RNF220: variants seen among roughly 807,000 people sequenced by gnomAD.
RNF220 encodes the protein E3 ubiquitin-protein ligase RNF220.
Under a neutral mutation model 67.1 loss-of-function variants are expected in RNF220, and 7 were observed. That is an observed-to-expected ratio of 0.10 (90% CI 0.06 to 0.20). RNF220 has a LOEUF of 0.20. Among genes scored for constraint, RNF220 ranks in the 10% least tolerant of loss-of-function variants. The pLI, the probability that RNF220 is intolerant of heterozygous loss-of-function variation, is 1.00. For missense variants in RNF220, 565 were observed against 740.3 expected (o/e 0.76, Z 2.75); for synonymous variants, 270 against 283.2 (o/e 0.95, Z 0.47).
At position 44,569,932 on chromosome 1, in the gene RNF220, C is replaced by A. The variant is rs532845171; in HGVS notation, c.626-44233C>A. 2.6e-5 allele frequency among the ~76,000 whole-genome samples: 4 copies of A among 152,136 alleles called. 1 individual carries two copies. Among genetic ancestry groups the A allele is most frequent in the Non-Finnish European group, 5.9e-5 (4 of 68,024 alleles). ...GCCTATGATGGTGTTTGGTATTACA[C>A]TTGGCAGTGGTTCTAGGTGCTGTGA... is the stretch of plus-strand genomic sequence containing the variant. On this transcript the variant is annotated intron_variant, in intron 2 of 14. Transcript: ENST00000361799.
At chr1:44,432,895 C>CTTTTTTTTTTTTTTTTTTTTTTTTTTTTT (rs759672475) in intron 2 of RNF220, among the ~76,000 whole-genome samples, 1 of 104,412 alleles carries the variant, frequency 9.6e-6, no homozygotes, top group Non-Finnish European at 2.0e-5. Flanking sequence ...TTCAAATTGG[C>CTTTTTTTTTTTTTTTTTTTTTTTTTTTTT]TTTTCTTTTT....
chr1:44,556,304 G>C (rs1663076075), intron 2 of RNF220, among the ~76,000 whole-genome samples: 1 of 150,742 alleles, frequency 6.6e-6, no homozygotes, highest in South Asian at 2.1e-4. Flanking sequence ...AAAGTGCTGA[G>C]ATTACAGGTG....
chr1:44,585,873 T>A, intron 2 of RNF220, among the ~76,000 whole-genome samples: 1 of 152,304 alleles, frequency 6.6e-6, no homozygotes, highest in South Asian at 2.1e-4. Flanking sequence ...GTGCTCTGGC[T>A]ATGTTTGGTT....
chr1:44,464,324 C>T (rs1280755662), intron 2 of RNF220, among the ~76,000 whole-genome samples: 1 of 152,206 alleles, frequency 6.6e-6, no homozygotes, highest in Non-Finnish European at 1.5e-5. Context: ...TGTCCTTGAA[C>T]CAGCAGCTGC....
intron 2 of RNF220, among the ~76,000 whole-genome samples, chr1:44,496,103 G>A (rs1016662706): frequency 6.6e-6 from 1 of 152,218 alleles, no homozygotes; most frequent in Non-Finnish European, 1.5e-5. Flanking sequence ...AAGGAGCCGT[G>A]TAGCTGCAAA....
chr1:44,412,234 G>A lies in RNF220; in HGVS notation c.137G>A (p.Arg46Gln), dbSNP rs772618757. ...GCTTCCATCCCTTGTCAGCAGCCAC[G>A]ACCCTTTGGTGTACCTGTCTCAGTT... ...RDASIPCQQP[R>Q]PFGVPVSVDK... Residue 46 changes from arginine (R) to glutamine (Q), a missense_variant, in exon 2 of 15, where the codon CGA becomes CAA. Coordinates refer to ENST00000361799, the MANE Select transcript of RNF220 (RefSeq NM_018150.4). This position sits in a 1 kb window ranked among gnomAD's most constrained non-coding sequence, Gnocchi z 5.3. 1.9e-6 allele frequency: 3 copies of A among 1,614,156 alleles called. No individual in the cohort carries two copies. The highest frequency in any genetic ancestry group is 1.7e-5 in the Admixed American group (1 of 60,024).
At chr1:44,426,490 G>C (rs1378212813) in intron 2 of RNF220, among the ~76,000 whole-genome samples, 1 of 152,186 alleles carries the variant, frequency 6.6e-6, no homozygotes, top group Non-Finnish European at 1.5e-5. Context: ...ACTTTGGGAG[G>C]CTGACGCAGG....
chr1:44,626,328 A>C lies in RNF220; in HGVS notation c.836A>C (p.Glu279Ala). 1 of 1,614,022 alleles carries C rather than the reference A, an allele frequency of 6.2e-7. No individual in the cohort carries two copies. Among genetic ancestry groups the C allele is most frequent in the South Asian group, 1.1e-5 (1 of 91,072 alleles). ...CTGTTGTCTGCTTCCATCAAGAGGG[A>C]AGGAGAGTCTCCAACGGCATCACCC... Reference protein sequence around the residue: ...SLLLSASIKREGESPTASPHS... With the variant: ...SLLLSASIKRAGESPTASPHS... The change falls in exon 5 of 15, where the codon GAA (glutamate) becomes GCA (alanine). Residue 279 changes from glutamate to alanine, a missense_variant. Coordinates refer to ENST00000361799, the MANE Select transcript of RNF220 (RefSeq NM_018150.4).
chr1:44,575,623 G>A (rs899908704), intron 2 of RNF220, among the ~76,000 whole-genome samples: 1 of 152,140 alleles, frequency 6.6e-6, no homozygotes, highest in East Asian at 1.9e-4. Context: ...CAGTTAGAAT[G>A]GCTATTATTA....
intron 5 of RNF220, chr1:44,627,064 A>AT (rs1192974108): frequency 1.7e-5 from 2 of 120,720 alleles, no homozygotes; most frequent in Non-Finnish European, 3.5e-5. Context: ...AAAAAAAAAA[A>AT]GGCTAGGCGT....
chr1:44,579,142 C>T (rs975859217), intron 2 of RNF220, among the ~76,000 whole-genome samples: 1 of 149,842 alleles, frequency 6.7e-6, no homozygotes, highest in Non-Finnish European at 1.5e-5. Context: ...GGTGACAGAT[C>T]GAGACTCTGT....
chr1:44,471,224 G>C (rs1452096581), intron 2 of RNF220, among the ~76,000 whole-genome samples: 1 of 151,978 alleles, frequency 6.6e-6, no homozygotes, highest in Non-Finnish European at 1.5e-5. Context: ...TCAGGAGTTC[G>C]AGACCAGCCT....
rs1648734883 is a variant in RNF220, at chr1:44,417,880, ATGT to A, written c.625+5161_625+5163del. 6.6e-6 allele frequency among the ~76,000 whole-genome samples: 1 copy of A among 151,810 alleles called. No individual in the cohort carries two copies. Among genetic ancestry groups the A allele is most frequent in the Non-Finnish European group, 1.5e-5 (1 of 67,924 alleles). ...AGGCGGCTTGCAAGTGGTTTCAGAAATGTTGGTGATCTCGCCGTCGCTCTGCAG... is the reference window on the plus strand; with the variant it reads ...AGGCGGCTTGCAAGTGGTTTCAGAAATGGTGATCTCGCCGTCGCTCTGCAG... On this transcript the variant is annotated intron_variant, in intron 2 of 14. Transcript: ENST00000361799. The surrounding 1 kb of genome is among the most constrained non-coding windows in gnomAD (Gnocchi z 4.0).
In RNF220 at chr1:44,520,085, TTGTGTG is replaced by T. The variant is rs1167831790; in HGVS notation, c.626-94041_626-94036del. Among the ~76,000 whole-genome samples, 758 of 106,462 alleles carry T rather than the reference TTGTGTG, an allele frequency of 7.1e-3. 11 individuals are homozygous for T. Among genetic ancestry groups the T allele is most frequent in the African/African-American group, 0.023 (645 of 28,636 alleles). 69.8% of individuals were successfully genotyped at this position (106,462 alleles called of 152,430 possible). ...GGTAAGAAGATGCTGAAGTCCAGCA[TTGTGTG>T]TGTGTGTGTGTGTGTGTGTGTGTGT... On this transcript the variant is annotated intron_variant, in intron 2 of 14. Coordinates refer to ENST00000361799, the MANE Select transcript of RNF220 (RefSeq NM_018150.4).
Position 44,412,550 on chromosome 1 carries a change from C to T in RNF220, c.453C>T (p.Pro151=), listed in dbSNP as rs1223932562. Residue 151 remains proline (P), a synonymous_variant, in exon 2 of 15, where the codon CCC becomes CCT. Coordinates refer to ENST00000361799, the MANE Select transcript of RNF220 (RefSeq NM_018150.4). The surrounding 1 kb of genome is among the most constrained non-coding windows in gnomAD (Gnocchi z 5.3). The part of the protein sequence containing the change: ...RLKNCHDTES[P]HLRFSDADGK... ...AGAACTGCCATGACACAGAGTCTCC[C>T]CACTTGCGCTTCTCAGATGCAGATG... The T allele has an allele frequency of 1.2e-6, 2 of 1,614,064 alleles. No individual in the cohort carries two copies. The highest frequency in any genetic ancestry group is 1.3e-5 in the African/African-American group (1 of 74,916).
At chr1:44,540,821 A>G (rs142213978) in intron 2 of RNF220, among the ~76,000 whole-genome samples, 44 of 152,266 alleles carry the variant, frequency 2.9e-4, no homozygotes, top group Admixed American at 5.2e-4. Flanking sequence ...GGAGGTGTAC[A>G]AGAAGGGACC....
At position 44,649,927 on chromosome 1, in the gene RNF220, G is replaced by A; in HGVS notation, c.1599G>A (p.Val533=). The part of the protein sequence containing the change: ...MPLTSIQCWH[V]HCEECWLRTL... ...TAACGTCCATCCAGTGTTGGCACGTGCACTGCGAGGAGTGCTGGCTGCGGA... is the reference window on the plus strand; with the variant it reads ...TAACGTCCATCCAGTGTTGGCACGTACACTGCGAGGAGTGCTGGCTGCGGA... Residue 533 remains valine, a synonymous_variant, in exon 14 of 15, where the codon GTG becomes GTA. Transcript: ENST00000361799. This position sits in a 1 kb window ranked among gnomAD's most constrained non-coding sequence, Gnocchi z 5.9. 1 of 1,613,990 alleles carries A rather than the reference G, an allele frequency of 6.2e-7. No individual in the cohort carries two copies. Among genetic ancestry groups the A allele is most frequent in the Non-Finnish European group, 8.5e-7 (1 of 1,179,950 alleles).
chr1:44,496,522 C>G (rs1029334523), intron 2 of RNF220, among the ~76,000 whole-genome samples: 1 of 152,170 alleles, frequency 6.6e-6, no homozygotes, highest in African/African-American at 2.4e-5. Context: ...ATTAATGAAC[C>G]ACTGCTCCCT....
At chr1:44,476,743 C>T (rs1018303571) in intron 2 of RNF220, among the ~76,000 whole-genome samples, 1 of 152,172 alleles carries the variant, frequency 6.6e-6, no homozygotes, top group Non-Finnish European at 1.5e-5. Flanking sequence ...CCTTGGGCTT[C>T]AGGTTTCTGT....
Sources: gnomAD v4.1 joint callset for allele counts (sites outside exome capture counted in the v4.1 genomes callset) on GRCh38, gnomAD v4.1.1 for gene constraint, Gnocchi (gnomAD v3.1) non-coding constraint, MANE v1.5 for transcripts, NCBI Gene and HGNC (gene_info 2026-07-23, HGNC 2026-07-21) for gene names.